The following CSMD1 variants were observed in gnomAD, a reference collection of about 807,000 sequenced individuals.
CSMD1 encodes the protein CUB and sushi domain-containing protein 1.
Under a neutral mutation model 417.5 loss-of-function variants are expected in CSMD1, and 213 were observed. That is an observed-to-expected ratio of 0.51 (90% CI 0.46 to 0.57). CSMD1 has a LOEUF of 0.57. CSMD1 is among the 20% of genes least tolerant of loss of function. The probability of loss-of-function intolerance (pLI) is 0.00; values close to 1 mark genes in which losing one functional copy is unlikely to be tolerated. For synonymous variants in CSMD1, 2,862 were observed against 1,736.8 expected (o/e 1.65, Z -16.11); for missense variants, 6,923 against 4,529.7 (o/e 1.53, Z -15.17).
chr8:4,098,832 G>A (rs141987089), intron 3 of CSMD1, among the ~76,000 whole-genome samples: 2 of 152,114 alleles, frequency 1.3e-5, no homozygotes, highest in East Asian at 1.9e-4. Context: ...TCATCACTAA[G>A]GCTATGCCAT....
chr8:3,113,871 G>C (rs1403549697), intron 42 of CSMD1, among the ~76,000 whole-genome samples: 5 of 152,136 alleles, frequency 3.3e-5, no homozygotes, highest in Non-Finnish European at 5.9e-5. Flanking sequence ...TATGCAATGT[G>C]ACTTTCTGTG....
At chr8:3,001,951 G>C (rs560153462) in intron 52 of CSMD1, among the ~76,000 whole-genome samples, 61 of 152,226 alleles carry the variant, frequency 4.0e-4, no homozygotes, top group African/African-American at 1.4e-3. Flanking sequence ...TAGAAACATT[G>C]TGTTCTCCTA....
At chr8:3,060,133 C>T (rs894933668) in intron 49 of CSMD1, among the ~76,000 whole-genome samples, 2 of 150,954 alleles carry the variant, frequency 1.3e-5, no homozygotes, top group Admixed American at 1.3e-4. Context: ...TTGAGCCTGT[C>T]CTAAAAATTA....
intron 5 of CSMD1, among the ~76,000 whole-genome samples, chr8:3,883,008 G>A (rs1056568309): frequency 2.0e-5 from 3 of 152,104 alleles, no homozygotes; most frequent in African/African-American, 4.8e-5. Context: ...ACTTCTGCAT[G>A]CATATTTTAT....
At position 4,917,004 on chromosome 8, in the gene CSMD1, C is replaced by T. The variant is rs374906808; in HGVS notation, c.85+77328G>A. Among the ~76,000 whole-genome samples the T allele has an allele frequency of 2.0e-4, 31 of 152,270 alleles. 2 individuals carry two copies. In the South Asian group the frequency reaches 2.9e-3, roughly 14 times the overall value. ...GGTGTATTAGCTCATTCTTACCTTG[C>T]TATAAATAACCACCTGAGACTGGGT... is the stretch of plus-strand genomic sequence containing the variant. On this transcript the variant is annotated intron_variant, in intron 1 of 69. Transcript: ENST00000635120.
chr8:4,158,026 C>G (rs575530160), intron 3 of CSMD1, among the ~76,000 whole-genome samples: 147 of 152,202 alleles, frequency 9.7e-4, no homozygotes, highest in African/African-American at 3.4e-3. Context: ...TACACGGAAC[C>G]AATGCCTGCT....
At chr8:3,214,376 C>G (rs1029659757) in intron 30 of CSMD1, 121 bp downstream of exon 30, 4 of 825,142 alleles carry the variant, frequency 4.8e-6, no homozygotes, top group Admixed American at 3.2e-5. Flanking sequence ...CACTAGCTCT[C>G]TAAGCAATCC....
At chr8:3,494,725 A>G (rs1796295592) in intron 10 of CSMD1, among the ~76,000 whole-genome samples, 1 of 152,170 alleles carries the variant, frequency 6.6e-6, no homozygotes, top group South Asian at 2.1e-4. Flanking sequence ...AACAAGAGAG[A>G]CGCAGAGGGT....
At position 4,283,141 on chromosome 8, in the gene CSMD1, A is replaced by G. The variant is rs117156431; in HGVS notation, c.415+136812T>C. ...CAGTAATCATGGATAAAAACACTCA[A>G]TTGTTGGTTTTGTGAAGGTACGTTG... On this transcript the variant is annotated intron_variant, in intron 3 of 69. Transcript: ENST00000635120. 7.0e-3 allele frequency among the ~76,000 whole-genome samples: 1,060 copies of G among 152,276 alleles called. 11 individuals carry two copies. Among genetic ancestry groups the G allele is most frequent in the Non-Finnish European group, 8.6e-3 (587 of 68,018 alleles).
At chr8:4,549,615 G>A (rs555464139) in intron 2 of CSMD1, among the ~76,000 whole-genome samples, 34 of 152,146 alleles carry the variant, frequency 2.2e-4, no homozygotes, top group Admixed American at 5.9e-4. Context: ...ATGGCCGGGC[G>A]CGGTGGCTCA....
intron 5 of CSMD1, among the ~76,000 whole-genome samples, chr8:3,819,923 C>T (rs949002659): frequency 1.3e-4 from 20 of 152,118 alleles, no homozygotes; most frequent in South Asian, 2.1e-4. Flanking sequence ...GGACAAGACA[C>T]GCCACAGCTT....
At chr8:4,584,337 C>T (rs1008943882) in intron 2 of CSMD1, among the ~76,000 whole-genome samples, 4 of 151,984 alleles carry the variant, frequency 2.6e-5, no homozygotes, top group East Asian at 1.9e-4. Context: ...GTGAGACAAT[C>T]GCCAATCGCC....
rs550529238 is a variant in CSMD1, at chr8:4,145,999, G to A, written c.416-113900C>T. Reference sequence around the variant, plus strand: ...AGACAGGGTGCAAATTTTGTACCCTGCACTAACTAGGTATTCAAAAAAAAT... The same window carrying A: ...AGACAGGGTGCAAATTTTGTACCCTACACTAACTAGGTATTCAAAAAAAAT... On this transcript the variant is annotated intron_variant, in intron 3 of 69. Coordinates refer to ENST00000635120, the MANE Select transcript of CSMD1 (RefSeq NM_033225.6). Among the ~76,000 whole-genome samples the A allele has an allele frequency of 1.8e-3, 273 of 150,940 alleles. 2 individuals are homozygous for A. The highest frequency in any genetic ancestry group is 3.1e-3 in the Non-Finnish European group (211 of 68,018).
chr8:3,533,885 G>C (rs1472530158), intron 10 of CSMD1, among the ~76,000 whole-genome samples: 1 of 152,152 alleles, frequency 6.6e-6, no homozygotes, highest in East Asian at 1.9e-4. Context: ...AAATCTTTCA[G>C]ATGTATCAGC....
intron 1 of CSMD1, among the ~76,000 whole-genome samples, chr8:4,821,707 G>A (rs756124308): frequency 1.3e-5 from 2 of 152,056 alleles, no homozygotes; most frequent in African/African-American, 4.8e-5. Context: ...ATTCATTTTG[G>A]TTGAATTCCA....
chr8:3,544,476 C>T (rs551575908), intron 10 of CSMD1, among the ~76,000 whole-genome samples: 1 of 152,114 alleles, frequency 6.6e-6, no homozygotes, highest in Non-Finnish European at 1.5e-5. Flanking sequence ...CATGGAGTAG[C>T]TTGCTCTTTC....
chr8:4,448,603 A>G (rs1257388650), intron 2 of CSMD1, among the ~76,000 whole-genome samples: 1 of 152,240 alleles, frequency 6.6e-6, no homozygotes, highest in East Asian at 1.9e-4. Flanking sequence ...AAGTCTTAGT[A>G]TCAATTAATA....
At chr8:4,665,760 C>T (rs1277596354) in intron 1 of CSMD1, among the ~76,000 whole-genome samples, 1 of 152,142 alleles carries the variant, frequency 6.6e-6, no homozygotes, top group East Asian at 1.9e-4. Flanking sequence ...TTACCATTTG[C>T]ATATTAATAT....
In CSMD1 at chr8:3,052,664, C is replaced by G. The variant is rs1041330040; in HGVS notation, c.7475-17G>C. ...AGGACACAGCTGAAAAGAAATGAAA[C>G]AAATGTAGGCTTATTCTTACAGAAA... On this transcript the variant is annotated splice_polypyrimidine_tract_variant and intron_variant, in intron 49 of 69. Transcript: ENST00000635120. 3 of 1,545,340 alleles carry G rather than the reference C, an allele frequency of 1.9e-6. No homozygotes were observed. Among genetic ancestry groups the G allele is most frequent in the Non-Finnish European group, 2.6e-6 (3 of 1,143,192 alleles).
Sources: gnomAD v4.1 joint callset for allele counts (sites outside exome capture counted in the v4.1 genomes callset) on GRCh38, gnomAD v4.1.1 for gene constraint, MANE v1.5 for transcripts, NCBI Gene and HGNC (gene_info 2026-07-23, HGNC 2026-07-21) for gene names.